The following IFI30 variants were observed in gnomAD, a reference collection of about 807,000 sequenced individuals.
IFI30 encodes the protein IFI30 lysosomal thiol reductase.
In IFI30, 26 loss-of-function variants were observed where a neutral mutation model predicts 30.1. That is an observed-to-expected ratio of 0.87 (90% CI 0.63 to 1.20). The LOEUF is 1.20. IFI30 is among the 50% of genes most tolerant of loss of function. The pLI is 0.00. For synonymous variants in IFI30, 149 were observed against 134.5 expected (o/e 1.11, Z -0.75); for missense variants, 296 against 312.5 (o/e 0.95, Z 0.40).
intron 4 of IFI30, among the ~76,000 whole-genome samples, chr19:18,175,999 T>G (rs1349274341): frequency 6.6e-6 from 1 of 152,070 alleles, no homozygotes; most frequent in Non-Finnish European, 1.5e-5. Flanking sequence ...TGTGCCACCA[T>G]GCCCAGCTAA....
Position 18,177,992 on chromosome 19 carries a change from C to A in IFI30, c.*81C>A. 7.0e-7 allele frequency: 1 copy of A among 1,425,428 alleles called. No homozygotes were observed. Among genetic ancestry groups the A allele is most frequent in the Non-Finnish European group, 9.7e-7 (1 of 1,035,704 alleles). The allele number at this position is 1,425,428 out of a possible 1,614,324, so 88.3% of individuals were successfully genotyped here. A position where few individuals can be genotyped will look rare whatever the true frequency, so the allele number is the denominator to read the frequency against. On this transcript the variant is annotated 3_prime_UTR_variant, in exon 7 of 7. Transcript: ENST00000407280. ...CTTTTTTTCTGATCCAGACCCTCGGCACCTGCTACTTACCAACTGGAAAAT... is the reference window on the plus strand; with the variant it reads ...CTTTTTTTCTGATCCAGACCCTCGGAACCTGCTACTTACCAACTGGAAAAT...
chr19:18,174,137 GC>G, intron 1 of IFI30, 164 bp downstream of exon 1: 1 of 653,166 alleles, frequency 1.5e-6, no homozygotes, highest in Non-Finnish European at 2.5e-6. Context: ...CGGCGCTGCG[GC>G]CACACTCCCT....
In IFI30 at chr19:18,173,981, C is replaced by A; in HGVS notation, c.132+8C>A. 6.5e-7 allele frequency: 1 copy of A among 1,548,122 alleles called. No individual in the cohort carries two copies. The highest frequency in any genetic ancestry group is 8.7e-7 in the Non-Finnish European group (1 of 1,145,536). On this transcript the variant is annotated splice_region_variant and intron_variant, in intron 1 of 6. Transcript: ENST00000407280. ...CCACCAGTTAACTACAAGGTAGGGA[C>A]GGCGACAGGGCGGGCAGGCTGGAGG...
chr19:18,174,680 T>C (rs567075960), intron 1 of IFI30: 1 of 205,770 alleles, frequency 4.9e-6, no homozygotes, highest in East Asian at 1.4e-4. Context: ...GAGACCATTC[T>C]GGCCTACATG....
rs200444719 is a variant in IFI30 at position 18,177,262 on chromosome 19, C to T, written c.606C>T (p.His202=). The change falls in exon 5 of 7, where the codon CAC becomes CAT. Residue 202 remains histidine (H), a synonymous_variant. Coordinates refer to ENST00000407280, the MANE Select transcript of IFI30 (RefSeq NM_006332.5). ...GGACAGATGCTCTCCAGCCACCACA[C>T]GAGTATGTGCCCTGGGTCACCGTCA... ...AQRTDALQPP[H]EYVPWVTVNG... The T allele has an allele frequency of 5.6e-5, 89 of 1,585,888 alleles. No individual in the cohort carries two copies. The highest frequency in any genetic ancestry group is 6.9e-5 in the Non-Finnish European group (81 of 1,166,130).
chr19:18,177,036 C>T, intron 4 of IFI30, 104 bp from the exon 5 acceptor site: 1 of 1,220,866 alleles, frequency 8.2e-7, no homozygotes, highest in Non-Finnish European at 1.1e-6. Flanking sequence ...GCCAACTGTA[C>T]CCTCTTCTCA....
rs1274006154 is a variant in IFI30 at position 18,177,068 on chromosome 19, A to G, written c.484-72A>G. 23 of 1,441,588 alleles carry G rather than the reference A, an allele frequency of 1.6e-5. 1 individual carries two copies. In the Admixed American group the frequency reaches 3.1e-4, roughly 19 times the overall value. 89.3% of individuals were successfully genotyped at this position (1,441,588 alleles called of 1,614,324 possible). A position where few individuals can be genotyped will look rare whatever the true frequency, so the allele number is the denominator to read the frequency against. On this transcript the variant is annotated intron_variant, in intron 4 of 6. Coordinates refer to ENST00000407280, the MANE Select transcript of IFI30 (RefSeq NM_006332.5). ...CTCAGTGACGAAACAGGCTTGGCTC[A>G]GGGCTGGTGGGCGGGACCGTTGAGA...
chr19:18,177,560 C>A, intron 5 of IFI30, 151 bp from the exon 6 acceptor site: 1 of 935,716 alleles, frequency 1.1e-6, no homozygotes, highest in Non-Finnish European at 1.7e-6. Context: ...CATCCCTAGC[C>A]ACCCCCATTG....
At chr19:18,176,440 G>A (rs780557387) in intron 4 of IFI30, among the ~76,000 whole-genome samples, 2 of 152,010 alleles carry the variant, frequency 1.3e-5, no homozygotes, top group African/African-American at 2.4e-5. Flanking sequence ...AAGCCACCAC[G>A]CCCGGCCCCA....
At chr19:18,176,827 G>C (rs188359033) in intron 4 of IFI30, among the ~76,000 whole-genome samples, 1 of 152,310 alleles carries the variant, frequency 6.6e-6, no homozygotes, top group East Asian at 1.9e-4. Context: ...GATGAAGGGT[G>C]TTCCTGGCAG....
In IFI30 at chr19:18,175,713, C is replaced by T. The variant is rs1339671229; in HGVS notation, c.483+16C>T. 2 of 1,584,836 alleles carry T rather than the reference C, an allele frequency of 1.3e-6. No individual in the cohort carries two copies. The highest frequency in any genetic ancestry group is 1.3e-5 in the African/African-American group (1 of 74,500). ...TCTGCCACTAGTGAGTGACGCCCCT[C>T]ACTCCACCCAAGGAGGGGGACATGG... On this transcript the variant is annotated intron_variant, in intron 4 of 6. Transcript: ENST00000407280.
chr19:18,177,808 G>A, intron 6 of IFI30, 41 bp from the exon 7 acceptor site: 1 of 1,610,288 alleles, frequency 6.2e-7, no homozygotes, highest in Non-Finnish European at 8.5e-7. Context: ...GTGGGGGTAG[G>A]GTCTCCTTCC....
At chr19:18,175,891 G>A (rs1347802102) in intron 4 of IFI30, among the ~76,000 whole-genome samples, 194 bp downstream of exon 4, 2 of 152,108 alleles carry the variant, frequency 1.3e-5, no homozygotes, top group Non-Finnish European at 2.9e-5. Flanking sequence ...CGCCCAGGCT[G>A]GAATGCAGTG....
rs370349675 is a variant in IFI30 at position 18,177,538 on chromosome 19, C to G, written c.637-173C>G. 605 of 826,562 alleles carry G rather than the reference C, an allele frequency of 7.3e-4. 7 individuals carry two copies. In the South Asian group the frequency reaches 8.4e-3, roughly 12 times the overall value. 51.2% of individuals were successfully genotyped at this position (826,562 alleles called of 1,614,324 possible). ...CAGGCAAAAAAAGTATGTATTAATTCGAAGTATTAAACATCCCTAGCCACC... is the reference window on the plus strand; with the variant it reads ...CAGGCAAAAAAAGTATGTATTAATTGGAAGTATTAAACATCCCTAGCCACC... On this transcript the variant is annotated intron_variant, in intron 5 of 6. Coordinates refer to ENST00000407280, the MANE Select transcript of IFI30 (RefSeq NM_006332.5).
At chr19:18,177,806 A>G (rs747099566) in intron 6 of IFI30, 42 bp downstream of exon 6, 7 of 1,610,620 alleles carry the variant, frequency 4.3e-6, no homozygotes, top group Admixed American at 1.7e-5. Flanking sequence ...TGGTGGGGGT[A>G]GGGTCTCCTT....
At chr19:18,176,611 T>A (rs1394374192) in intron 4 of IFI30, among the ~76,000 whole-genome samples, 1 of 152,080 alleles carries the variant, frequency 6.6e-6, no homozygotes, top group East Asian at 1.9e-4. Context: ...GATGTGGAGA[T>A]GATAGGACAG....
chr19:18,177,613 A>T, intron 5 of IFI30, 98 bp from the exon 6 acceptor site: 1 of 1,415,712 alleles, frequency 7.1e-7, no homozygotes, highest in Non-Finnish European at 9.8e-7. Flanking sequence ...GGCGGGGGCC[A>T]GACTTGGGAA....
Position 18,178,049 on chromosome 19 carries a change from A to C in IFI30, c.*138A>C. ...CATCCCATGAAGCCCAGATACACAA[A>C]ATTCCACCCCATGATCAAGAATCCT... On this transcript the variant is annotated 3_prime_UTR_variant, in exon 7 of 7. Transcript: ENST00000407280. 1 of 781,990 alleles carries C rather than the reference A, an allele frequency of 1.3e-6. No homozygotes were observed. Among genetic ancestry groups the C allele is most frequent in the Non-Finnish European group, 2.1e-6 (1 of 468,338 alleles). The allele number at this position is 781,990 out of a possible 1,614,324, so 48.4% of individuals were successfully genotyped here.
intron 2 of IFI30, 34 bp from the exon 3 acceptor site, chr19:18,175,277 C>A: frequency 6.3e-7 from 1 of 1,576,240 alleles, no homozygotes; most frequent in Non-Finnish European, 8.6e-7. Context: ...GGGGACCCAG[C>A]CTACCAGCAG....
Sources: allele counts gnomAD v4.1 joint callset (sites outside exome capture counted in the v4.1 genomes callset), GRCh38; gene constraint gnomAD v4.1.1; transcripts MANE v1.5; gene names NCBI Gene and HGNC (gene_info 2026-07-23, HGNC 2026-07-21).